The following OR3A2 variants were observed in gnomAD, a reference collection of about 807,000 sequenced individuals.
OR3A2 encodes olfactory receptor 3A2.
For synonymous variants in OR3A2, 126 were observed against 159.3 expected, an observed-to-expected ratio of 0.79 and a Z score of 1.57; for missense variants, 318 against 392.8, an observed-to-expected ratio of 0.81 and a Z score of 1.61.
intron 2 of OR3A2, among the ~76,000 whole-genome samples, chr17:3,367,958 T>C (rs1021680705): frequency 2.0e-5 from 3 of 152,192 alleles, no homozygotes; most frequent in Admixed American, 6.5e-5. Context: ...TGGTATTTCA[T>C]TGTGGTTTTG....
intron 3 of OR3A2, among the ~76,000 whole-genome samples, chr17:3,325,088 G>C (rs1317308816): frequency 6.9e-6 from 1 of 145,442 alleles, no homozygotes; most frequent in Non-Finnish European, 1.5e-5. Context: ...TTATGATTTT[G>C]TTTTTTATAT....
intron 2 of OR3A2, among the ~76,000 whole-genome samples, chr17:3,378,686 C>A (rs148120469): frequency 2.0e-5 from 3 of 152,158 alleles, no homozygotes; most frequent in African/African-American, 4.8e-5. Flanking sequence ...GATGGGCCAC[C>A]ACTATCACTT....
At chr17:3,376,092 A>G (rs1255852905) in intron 2 of OR3A2, among the ~76,000 whole-genome samples, 1 of 152,262 alleles carries the variant, frequency 6.6e-6, no homozygotes, top group Admixed American at 6.5e-5. Flanking sequence ...CTAGCAGTTA[A>G]GCTGTCACAT....
At chr17:3,358,343 T>A (rs1156815269) in intron 2 of OR3A2, among the ~76,000 whole-genome samples, 2 of 151,662 alleles carry the variant, frequency 1.3e-5, no homozygotes, top group East Asian at 3.8e-4. Flanking sequence ...TGTTCTTGCT[T>A]CTTTAATCTT....
chr17:3,376,182 G>A (rs1157080702), intron 2 of OR3A2, among the ~76,000 whole-genome samples: 3 of 152,208 alleles, frequency 2.0e-5, no homozygotes. Flanking sequence ...TTTGGAGCAG[G>A]TTTGTTCCTT....
intron 2 of OR3A2, among the ~76,000 whole-genome samples, chr17:3,347,024 T>A (rs1018539354): frequency 6.6e-6 from 1 of 152,194 alleles, no homozygotes. Flanking sequence ...CTCTTTGATA[T>A]ATTGATTTTC....
intron 2 of OR3A2, among the ~76,000 whole-genome samples, chr17:3,352,114 C>T (rs1473431468): frequency 6.6e-6 from 1 of 151,726 alleles, no homozygotes; most frequent in African/African-American, 2.4e-5. Flanking sequence ...GATTTTTTTC[C>T]TATAGAGTTG....
chr17:3,285,125 T>C (rs1488008264), upstream of OR3A2, among the ~76,000 whole-genome samples: 2 of 152,030 alleles, frequency 1.3e-5, no homozygotes, highest in Non-Finnish European at 2.9e-5. Context: ...AACATGATTT[T>C]CTAAGTCCGG....
rs1023924351 is a variant in OR3A2, at chr17:3,359,812, G to A, written c.-178-23686C>T. 3.3e-5 allele frequency among the ~76,000 whole-genome samples: 5 copies of A among 151,632 alleles called. 1 individual carries two copies. The highest frequency in any genetic ancestry group is 3.2e-3 in the Middle Eastern group (1 of 316). ...GTATGTGCCACATTTTCTTAATCCA[G>A]TCTATCATTGTTGGACATTTGGGTT... On this transcript the variant is annotated intron_variant, in intron 2 of 4. Coordinates refer to the OR3A2 transcript ENST00000573491.
At chr17:3,341,509 T>C (rs984532239) in intron 2 of OR3A2, among the ~76,000 whole-genome samples, 1 of 152,174 alleles carries the variant, frequency 6.6e-6, no homozygotes, top group Non-Finnish European at 1.5e-5. Flanking sequence ...ATTTTATTTC[T>C]CCTTCACTTA....
intron 3 of OR3A2, among the ~76,000 whole-genome samples, chr17:3,318,682 C>T (rs1334617709): frequency 6.6e-6 from 1 of 152,188 alleles, no homozygotes; most frequent in Non-Finnish European, 1.5e-5. Flanking sequence ...CCTCTATCTT[C>T]ACCCTTTAGG....
intron 3 of OR3A2, among the ~76,000 whole-genome samples, chr17:3,304,097 G>C (rs2048985303): frequency 6.6e-6 from 1 of 151,706 alleles, no homozygotes; most frequent in Non-Finnish European, 1.5e-5. Context: ...CTTTGATTAG[G>C]GGGACTGAGA....
intron 3 of OR3A2, among the ~76,000 whole-genome samples, chr17:3,332,332 A>G (rs2150642912): frequency 6.6e-6 from 1 of 152,132 alleles, no homozygotes; most frequent in African/African-American, 2.4e-5. Context: ...TTGCAGTTTG[A>G]TCTCAGACTG....
At chr17:3,328,711 T>C (rs2049199365) in intron 3 of OR3A2, among the ~76,000 whole-genome samples, 1 of 146,222 alleles carries the variant, frequency 6.8e-6, no homozygotes, top group African/African-American at 2.6e-5. Flanking sequence ...AGATAGCTCT[T>C]ATTATTTTGA....
chr17:3,361,931 A>C (rs1365937725), intron 2 of OR3A2, among the ~76,000 whole-genome samples: 2 of 151,626 alleles, frequency 1.3e-5, no homozygotes, highest in Admixed American at 6.6e-5. Context: ...CTGGCCTCAT[A>C]AAATGAGTTA....
intron 3 of OR3A2, among the ~76,000 whole-genome samples, chr17:3,331,082 G>A (rs979055882): frequency 3.3e-5 from 5 of 152,176 alleles, no homozygotes; most frequent in African/African-American, 1.2e-4. Flanking sequence ...CGAGAGATCA[G>A]CTGTTAGTCT....
intron 1 of OR3A2, 56 bp downstream of exon 4, chr17:3,279,020 G>T (rs1236324916): frequency 7.1e-6 from 11 of 1,540,928 alleles, no homozygotes; most frequent in Non-Finnish European, 7.0e-6. Context: ...GCCCCGTGGC[G>T]AGTCCCCAGG....
chr17:3,281,160 A>C (rs1368610583), intron 1 of OR3A2, among the ~76,000 whole-genome samples: 1 of 152,132 alleles, frequency 6.6e-6, no homozygotes, highest in Non-Finnish European at 1.5e-5. Context: ...GGGAGCCCCC[A>C]AAACTCCTGT....
chr17:3,330,355 T>C (rs1009735149), intron 3 of OR3A2, among the ~76,000 whole-genome samples: 1 of 149,988 alleles, frequency 6.7e-6, no homozygotes, highest in African/African-American at 2.5e-5. Flanking sequence ...CTAAGTCTCT[T>C]TGTAGGTCAC....
Sources: gnomAD v4.1 joint callset for allele counts (sites outside exome capture counted in the v4.1 genomes callset) on GRCh38, gnomAD v4.1.1 for gene constraint, MANE v1.5 for transcripts, NCBI Gene and HGNC (gene_info 2026-07-23, HGNC 2026-07-21) for gene names.